The following NECTIN3 variants were observed in gnomAD, a reference collection of about 807,000 sequenced individuals.
NECTIN3 encodes nectin-3.
NECTIN3 carries 8 observed loss-of-function variants against 49.4 expected under a neutral mutation model. That is an observed-to-expected ratio of 0.16 (90% confidence interval 0.10 to 0.29). The LOEUF (loss-of-function observed/expected upper bound fraction) is 0.29, where lower values mean the gene tolerates loss of function less well. Ranked by LOEUF, NECTIN3 falls within the 10% of genes least tolerant of loss-of-function variation. The pLI is 1.00. For synonymous variants in NECTIN3, 277 were observed against 241.1 expected (o/e 1.15, Z -1.38); for missense variants, 581 against 654.6 (o/e 0.89, Z 1.23).
intron 1 of NECTIN3, among the ~76,000 whole-genome samples, chr3:111,107,432 CAG>C (rs1385259068): frequency 5.3e-5 from 8 of 152,028 alleles, no homozygotes; most frequent in African/African-American, 9.7e-5. Flanking sequence ...AGAGTAGAAA[CAG>C]AGTAGTATCC....
chr3:111,083,250 A>T (rs961739679), intron 1 of NECTIN3, among the ~76,000 whole-genome samples: 3 of 152,156 alleles, frequency 2.0e-5, no homozygotes, highest in Non-Finnish European at 4.4e-5. Flanking sequence ...GAGAAAAAAG[A>T]GTAATTTGTG....
At chr3:111,122,348 AT>A in intron 4 of NECTIN3, 110 bp downstream of exon 4, 4 of 769,492 alleles carry the variant, frequency 5.2e-6, no homozygotes, top group Non-Finnish European at 8.0e-6. Flanking sequence ...ATAGCAGAAA[AT>A]TTTAATTAAA....
chr3:111,142,853 A>G (rs2107506006), intron 5 of NECTIN3, among the ~76,000 whole-genome samples: 1 of 152,014 alleles, frequency 6.6e-6, no homozygotes, highest in East Asian at 1.9e-4. Flanking sequence ...AAAAATTTAA[A>G]TTCTGTACAG....
At chr3:111,119,183 C>T (rs1192368592) in intron 3 of NECTIN3, among the ~76,000 whole-genome samples, 1 of 152,120 alleles carries the variant, frequency 6.6e-6, no homozygotes, top group African/African-American at 2.4e-5. Context: ...CTTTTAAGAT[C>T]TTAAAAGTAG....
chr3:111,160,479 GA>G (rs549866102), intron 7 of NECTIN3, among the ~76,000 whole-genome samples: 64 of 152,172 alleles, frequency 4.2e-4, no homozygotes, highest in African/African-American at 1.5e-3. Flanking sequence ...ATAGTAAAAG[GA>G]AATAGCCAAA....
intron 1 of NECTIN3, among the ~76,000 whole-genome samples, chr3:111,089,446 T>C (rs1576081956): frequency 7.0e-6 from 1 of 142,710 alleles, no homozygotes; most frequent in South Asian, 2.3e-4. Flanking sequence ...TATAAACATA[T>C]ACATACACAC....
chr3:111,166,754 C>T (rs1247512729), intron 7 of NECTIN3, among the ~76,000 whole-genome samples: 4 of 152,086 alleles, frequency 2.6e-5, no homozygotes, highest in South Asian at 2.1e-4. Flanking sequence ...CAGTAATGAT[C>T]GAAAGCTTTG....
In NECTIN3 at chr3:111,177,040, G is replaced by T. The variant is rs1431452181; in HGVS notation, c.1222-15311G>T. ...TAATTTTTACTCTTATTTTTGCAAAGAATGGCATAAATTATTAACCACTTA... is the reference window on the plus strand; with the variant it reads ...TAATTTTTACTCTTATTTTTGCAAATAATGGCATAAATTATTAACCACTTA... On this transcript the variant is annotated intron_variant, in intron 7 of 8. Coordinates refer to the NECTIN3 transcript ENST00000493615. Among the ~76,000 whole-genome samples, 3 of 152,072 alleles carry T rather than the reference G, an allele frequency of 2.0e-5. No individual in the cohort carries two copies. In the South Asian group the frequency reaches 6.2e-4, roughly 32 times the overall value.
At chr3:111,081,789 T>C (rs932959197) in intron 1 of NECTIN3, among the ~76,000 whole-genome samples, 2 of 152,150 alleles carry the variant, frequency 1.3e-5, no homozygotes, top group Non-Finnish European at 2.9e-5. Flanking sequence ...AGATGAGGAC[T>C]CTAGAAGGAA....
chr3:111,119,085 A>T, intron 3 of NECTIN3, 133 bp downstream of exon 3: 1 of 838,926 alleles, frequency 1.2e-6, no homozygotes, highest in Non-Finnish European at 1.8e-6. Context: ...TGGAAATTTC[A>T]TTTAACCAGA....
At chr3:111,181,018 A>T (rs902690947) in intron 7 of NECTIN3, among the ~76,000 whole-genome samples, 1 of 152,112 alleles carries the variant, frequency 6.6e-6, no homozygotes, top group African/African-American at 2.4e-5. Context: ...AGCCTTGCCA[A>T]ATATGTACAT....
At chr3:111,101,441 C>T (rs1280559827) in intron 1 of NECTIN3, among the ~76,000 whole-genome samples, 1 of 152,022 alleles carries the variant, frequency 6.6e-6, no homozygotes, top group African/African-American at 2.4e-5. Context: ...TTGCTATTTT[C>T]TATGCCTGTT....
Position 111,134,032 on chromosome 3 carries a change from G to A in NECTIN3, c.1467G>A (p.Glu489=), listed in dbSNP as rs758973451. The A allele has an allele frequency of 2.2e-5, 35 of 1,612,816 alleles. No homozygotes were observed. The highest frequency in any genetic ancestry group is 2.8e-5 in the Non-Finnish European group (33 of 1,179,490). Reference sequence around the variant, plus strand: ...TAATACGTAAAGACTATTTAGAAGAGCCTGAAAAAACTCAGTGGAACAATG... The same window carrying A: ...TAATACGTAAAGACTATTTAGAAGAACCTGAAAAAACTCAGTGGAACAATG... ...NNLIRKDYLE[E]PEKTQWNNVE... is the part of the protein sequence containing the mutation. The change falls in exon 6 of 6, where the codon GAG becomes GAA. Residue 489 remains glutamate (E), a synonymous_variant. Transcript: ENST00000485303.
intron 4 of NECTIN3, 102 bp from the exon 5 acceptor site, chr3:111,126,077 TTTTTA>T: frequency 3.7e-6 from 3 of 816,706 alleles, no homozygotes; most frequent in Non-Finnish European, 5.2e-6. Flanking sequence ...CTGAGATGCT[TTTTTA>T]TTTTGACTAA....
chr3:111,082,740 G>A (rs910374483), intron 1 of NECTIN3, among the ~76,000 whole-genome samples: 1 of 152,134 alleles, frequency 6.6e-6, no homozygotes, highest in African/African-American at 2.4e-5. Flanking sequence ...CATTTATTGT[G>A]TAGTTTATTT....
intron 7 of NECTIN3, among the ~76,000 whole-genome samples, chr3:111,178,871 G>C (rs541970431): frequency 1.3e-5 from 2 of 152,324 alleles, no homozygotes; most frequent in Non-Finnish European, 2.9e-5. Flanking sequence ...TGGAACCATT[G>C]CTCAATCATT....
intron 4 of NECTIN3, among the ~76,000 whole-genome samples, chr3:111,123,819 A>T (rs891257342): frequency 5.3e-5 from 8 of 152,098 alleles, no homozygotes; most frequent in South Asian, 4.1e-4. Flanking sequence ...TTGATATTTT[A>T]GGCCGATAAT....
At chr3:111,145,117 TAAAG>T (rs377441523) in intron 6 of NECTIN3, 112 of 1,410,752 alleles carry the variant, frequency 7.9e-5, no homozygotes, top group East Asian at 5.7e-4. Context: ...CAGCTCCTCA[TAAAG>T]AACTTAAGGG....
intron 3 of NECTIN3, 133 bp downstream of exon 3, chr3:111,119,085 A>G (rs1559790326): frequency 2.4e-6 from 2 of 838,926 alleles, no homozygotes; most frequent in East Asian, 2.7e-5. Flanking sequence ...TGGAAATTTC[A>G]TTTAACCAGA....
Sources: allele counts gnomAD v4.1 joint callset (sites outside exome capture counted in the v4.1 genomes callset), GRCh38; gene constraint gnomAD v4.1.1; transcripts MANE v1.5; gene names NCBI Gene and HGNC (gene_info 2026-07-23, HGNC 2026-07-21).